The following DNAJC16 variants were observed in gnomAD, a reference collection of about 807,000 sequenced individuals.
The protein encoded by DNAJC16 is dnaJ homolog subfamily C member 16.
A neutral mutation model predicts 92.7 loss-of-function variants in DNAJC16; 76 were observed. The observed-to-expected ratio is 0.82, with a 90% CI of 0.68 to 0.99. The LOEUF (loss-of-function observed/expected upper bound fraction) is 0.99. Among genes scored for constraint, DNAJC16 ranks in the 50% least tolerant of loss-of-function variants. The pLI, the probability that DNAJC16 is intolerant of heterozygous loss-of-function variation, is 0.00. For synonymous variants in DNAJC16, 328 were observed against 358.7 expected, an observed-to-expected ratio of 0.91 and a Z score of 0.97; for missense variants, 869 against 942.4, an observed-to-expected ratio of 0.92 and a Z score of 1.02.
chr1:15,542,431 A>C (rs943471937), intron 4 of DNAJC16: 1 of 152,232 alleles, frequency 6.6e-6, no homozygotes, highest in Non-Finnish European at 1.5e-5. Context: ...GGATGCTCCC[A>C]CCCTTCCATA....
chr1:15,537,081 C>A (rs1710809581), intron 4 of DNAJC16, among the ~76,000 whole-genome samples: 1 of 152,158 alleles, frequency 6.6e-6, no homozygotes, highest in Admixed American at 6.5e-5. Flanking sequence ...AAACTCCTGA[C>A]CTCAAGTGAT....
At chr1:15,549,272 T>C (rs1038163707) in intron 7 of DNAJC16, among the ~76,000 whole-genome samples, 1 of 152,100 alleles carries the variant, frequency 6.6e-6, no homozygotes, top group Non-Finnish European at 1.5e-5. Context: ...CTGTAGGAAA[T>C]AGAAGGGGAG....
chr1:15,565,787 GCT>G, intron 11 of DNAJC16, 130 bp from the exon 12 acceptor site: 3 of 848,200 alleles, frequency 3.5e-6, no homozygotes, highest in Non-Finnish European at 5.7e-6. Flanking sequence ...GCCAAGAAAA[GCT>G]CTGTTTGCCT....
intron 14 of DNAJC16, 27 bp downstream of exon 14, chr1:15,567,296 GTA>G (rs771136184): frequency 7.5e-6 from 12 of 1,597,370 alleles, no homozygotes; most frequent in Non-Finnish European, 1.0e-5. Flanking sequence ...GTGCATGTAT[GTA>G]TGTGTGTGAG....
intron 7 of DNAJC16, among the ~76,000 whole-genome samples, chr1:15,553,984 C>T (rs1170732938): frequency 6.6e-6 from 1 of 152,006 alleles, no homozygotes; most frequent in East Asian, 1.9e-4. Flanking sequence ...CGGGCAGATC[C>T]TTTGAGCCCA....
At chr1:15,536,178 A>G (rs933366289) in intron 3 of DNAJC16, among the ~76,000 whole-genome samples, 6 of 149,854 alleles carry the variant, frequency 4.0e-5, no homozygotes, top group East Asian at 2.0e-4. Flanking sequence ...GGTTCAAGCA[A>G]TTCTCCTACC....
intron 3 of DNAJC16, among the ~76,000 whole-genome samples, chr1:15,535,758 A>G (rs976668042): frequency 6.6e-6 from 1 of 151,756 alleles, no homozygotes; most frequent in Non-Finnish European, 1.5e-5. Context: ...TAATTATGTC[A>G]TAATCTTTTT....
intron 12 of DNAJC16, 31 bp downstream of exon 12, chr1:15,566,030 C>T (rs749559778): frequency 6.2e-7 from 1 of 1,612,864 alleles, no homozygotes; most frequent in South Asian, 1.1e-5. Context: ...CGGTGCACCA[C>T]CATGGTTGGT....
At chr1:15,544,727 C>G in intron 5 of DNAJC16, 144 bp downstream of exon 5, 1 of 765,302 alleles carries the variant, frequency 1.3e-6, no homozygotes, top group Non-Finnish European at 2.1e-6. Context: ...TAATTAATTA[C>G]TCAAACTAAA....
chr1:15,528,122 T>C (rs754581457), intron 1 of DNAJC16, among the ~76,000 whole-genome samples: 2 of 152,200 alleles, frequency 1.3e-5, no homozygotes, highest in Non-Finnish European at 2.9e-5. Flanking sequence ...CTTTTTCTCA[T>C]CTGAGGTTTC....
At position 15,566,965 on chromosome 1, in the gene DNAJC16, T is replaced by C. The variant is rs186994253; in HGVS notation, c.1779-134T>C. 119 of 754,258 alleles carry C rather than the reference T, an allele frequency of 1.6e-4. 1 individual carries two copies. The Admixed American group carries it at 3.0e-3, about 19-fold the overall frequency. The allele number at this position is 754,258 out of a possible 1,614,324, so 46.7% of individuals were successfully genotyped here. A position where few individuals can be genotyped will look rare whatever the true frequency, so the allele number is the denominator to read the frequency against. On this transcript the variant is annotated intron_variant, in intron 13 of 14. Transcript: ENST00000375847. ...TCAGGCCATCCCCATCCTACCAATG[T>C]GTTAGACTCAAGAATAGTGAATAAC...
intron 4 of DNAJC16, among the ~76,000 whole-genome samples, chr1:15,544,088 A>C (rs1449269305): frequency 1.3e-5 from 2 of 151,674 alleles, no homozygotes; most frequent in Admixed American, 6.6e-5. Context: ...AGAACAAGAA[A>C]AGTTGTTCAA....
chr1:15,567,940 C>T lies in DNAJC16; in HGVS notation c.2112C>T (p.His704=). The part of the protein sequence containing the change: ...YTGYVLALNG[H]KKYFCLFKPQ... ...GTTATGTACTGGCTCTGAATGGCCA[C>T]AAGAAATACTTCTGCCTCTTCAAGC... The change falls in exon 15 of 15, where the codon CAC becomes CAT. Residue 704 remains histidine, a synonymous_variant. Transcript: ENST00000375847. The T allele has an allele frequency of 6.2e-7, 1 of 1,614,222 alleles. No homozygotes were observed. Among genetic ancestry groups the T allele is most frequent in the Non-Finnish European group, 8.5e-7 (1 of 1,180,048 alleles).
chr1:15,565,767 A>G, intron 11 of DNAJC16, 152 bp from the exon 12 acceptor site: 1 of 725,506 alleles, frequency 1.4e-6, no homozygotes, highest in East Asian at 2.5e-5. Context: ...CCCCTCCACC[A>G]CCTCCACCCG....
chr1:15,532,886 A>G (rs1435489971), intron 2 of DNAJC16, among the ~76,000 whole-genome samples: 1 of 152,242 alleles, frequency 6.6e-6, no homozygotes, highest in Non-Finnish European at 1.5e-5. Flanking sequence ...CCTTATTTGT[A>G]GAGAAATCAG....
rs754061671 is a variant in DNAJC16 at position 15,544,443 on chromosome 1, G to T, written c.619G>T (p.Ala207Ser). ...CCATGCTGGGTATGAGAGACGCCTG[G>T]CCCATCACCTAGGGGCACACAGCAC... ...VVHAGYERRL[A>S]HHLGAHSTPS... Residue 207 changes from alanine (A) to serine (S), a missense_variant, in exon 5 of 15, where the codon GCC becomes TCC. Coordinates refer to ENST00000375847, the MANE Select transcript of DNAJC16 (RefSeq NM_015291.4). 2.5e-6 allele frequency: 4 copies of T among 1,614,004 alleles called. No homozygotes were observed. In the East Asian group the frequency reaches 8.9e-5, roughly 36 times the overall value.
intron 9 of DNAJC16, among the ~76,000 whole-genome samples, chr1:15,562,997 G>GC (rs1638723900): frequency 6.7e-6 from 1 of 149,080 alleles, no homozygotes; most frequent in Non-Finnish European, 1.5e-5. Context: ...GGAAATTTCT[G>GC]CCCCCCTCTG....
chr1:15,557,383 A>G (rs1638590968), intron 7 of DNAJC16, among the ~76,000 whole-genome samples: 2 of 152,066 alleles, frequency 1.3e-5, no homozygotes, highest in Admixed American at 1.3e-4. Flanking sequence ...TGATTATTTT[A>G]TGCCTTCTCT....
intron 7 of DNAJC16, among the ~76,000 whole-genome samples, chr1:15,556,304 G>C (rs1040147474): frequency 1.3e-5 from 2 of 151,834 alleles, no homozygotes. Flanking sequence ...GCCTGATCTC[G>C]GCTCACTGCA....
Sources: allele counts gnomAD v4.1 joint callset (sites outside exome capture counted in the v4.1 genomes callset), GRCh38; gene constraint gnomAD v4.1.1; transcripts MANE v1.5; gene names NCBI Gene and HGNC (gene_info 2026-07-23, HGNC 2026-07-21).